The following FAM227A variants were observed in gnomAD, a reference collection of about 807,000 sequenced individuals.
FAM227A encodes family with sequence similarity 227 member A, also known as protein FAM227A.
In FAM227A, 80 loss-of-function variants were observed where a neutral mutation model predicts 74.7. That is an observed-to-expected ratio of 1.07 (90% CI 0.89 to 1.29). The LOEUF (loss-of-function observed/expected upper bound fraction) is 1.29. Ranked by LOEUF, FAM227A falls within the 50% of genes most tolerant of loss-of-function variation. The pLI is 0.00. For synonymous variants in FAM227A, 237 were observed against 241.8 expected (o/e 0.98, Z 0.19); for missense variants, 654 against 683.4 (o/e 0.96, Z 0.48).
intron 16 of FAM227A, among the ~76,000 whole-genome samples, chr22:38,588,012 CATG>C (rs2090845157): frequency 6.6e-6 from 1 of 152,110 alleles, no homozygotes; most frequent in South Asian, 2.1e-4. Context: ...AACAGCATTT[CATG>C]ATAATAAACA....
intron 8 of FAM227A, among the ~76,000 whole-genome samples, chr22:38,626,891 A>AAAAAAAAAAAAATATATAT (rs1555966996): frequency 1.7e-5 from 1 of 57,688 alleles, no homozygotes; most frequent in Non-Finnish European, 2.9e-5. Context: ...AAAAAAAAAA[A>AAAAAAAAAAAAATATATAT]ATATATATAT....
chr22:38,595,372 A>G (rs2091023019), intron 15 of FAM227A, among the ~76,000 whole-genome samples: 1 of 152,192 alleles, frequency 6.6e-6, no homozygotes, highest in African/African-American at 2.4e-5. Context: ...GGGTGGCTCC[A>G]TGAAAGAGTT....
At chr22:38,642,282 G>GA (rs2092133343) in intron 3 of FAM227A, among the ~76,000 whole-genome samples, 1 of 152,160 alleles carries the variant, frequency 6.6e-6, no homozygotes, top group Admixed American at 6.5e-5. Context: ...ACCTCCATGG[G>GA]AACCAGTAGC....
At position 38,638,816 on chromosome 22, in the gene FAM227A, C is replaced by T. The variant is rs2092054758; in HGVS notation, c.302G>A (p.Arg101Lys). 1 of 1,533,532 alleles carries T rather than the reference C, an allele frequency of 6.5e-7. No homozygotes were observed. The highest frequency in any genetic ancestry group is 2.2e-5 in the Admixed American group (1 of 46,126). The allele number at this position is 1,533,532 out of a possible 1,614,324, so 95.0% of individuals were successfully genotyped here. ...TRSSPEDKVKRQRKSQYSCKG... is the reference protein window; with the variant it reads ...TRSSPEDKVKKQRKSQYSCKG... The stretch of plus-strand genomic sequence containing the variant: ...GCAGGAATACTGAGATTTCCTTTGT[C>T]TCTTGACTGCAGAAAAATGGAGAAA... Residue 101 changes from arginine (R) to lysine (K), a missense_variant, in exon 5 of 17, where the codon AGA (arginine) becomes AAA (lysine). Transcript: ENST00000535113.
chr22:38,644,798 A>G (rs1406795396), intron 3 of FAM227A, among the ~76,000 whole-genome samples: 2 of 152,184 alleles, frequency 1.3e-5, no homozygotes, highest in Non-Finnish European at 2.9e-5. Flanking sequence ...TCTAAAAAAT[A>G]AAGTTTAGGC....
rs983391120 is a variant in FAM227A at position 38,625,161 on chromosome 22, G to A, written c.850+1019C>T. 1.7e-4 allele frequency among the ~76,000 whole-genome samples: 26 copies of A among 151,580 alleles called. 1 individual carries two copies. Among genetic ancestry groups the A allele is most frequent in the Non-Finnish European group, 3.1e-4 (21 of 67,878 alleles). ...TCCCAGCACTTTGGGAGGCCTTGTT[G>A]GGCGGATGACGAGGTCAGGAGATCA... On this transcript the variant is annotated intron_variant, in intron 9 of 16. Coordinates refer to ENST00000535113, the MANE Select transcript of FAM227A (RefSeq NM_001013647.2).
At chr22:38,643,323 A>G (rs1227020030) in intron 3 of FAM227A, among the ~76,000 whole-genome samples, 2 of 136,906 alleles carry the variant, frequency 1.5e-5, no homozygotes, top group African/African-American at 5.4e-5. Context: ...CTCAAAAAAA[A>G]AAAAATAGTG....
At position 38,650,254 on chromosome 22, in the gene FAM227A, A is replaced by G. The variant is rs1325335874; in HGVS notation, c.-86T>C. ...CCACTCCAATCTTGTCGTTTGTTTA[A>G]TCAGCCTCCTGGAAATCATAAACAG... On this transcript the variant is annotated 5_prime_UTR_variant, in exon 2 of 17. Coordinates refer to ENST00000535113, the MANE Select transcript of FAM227A (RefSeq NM_001013647.2). The G allele has an allele frequency of 4.4e-6, 6 of 1,353,614 alleles. No homozygotes were observed. In the East Asian group the frequency reaches 1.5e-4, roughly 34 times the overall value. 83.9% of individuals were successfully genotyped at this position (1,353,614 alleles called of 1,614,324 possible). A position where few individuals can be genotyped will look rare whatever the true frequency, so the allele number is the denominator to read the frequency against.
intron 11 of FAM227A, among the ~76,000 whole-genome samples, chr22:38,608,155 C>CAAAAA (rs35387385): frequency 5.2e-5 from 4 of 76,922 alleles, no homozygotes; most frequent in Admixed American, 3.1e-4. Context: ...CTTTTCTCTA[C>CAAAAA]AAAAAAAAAA....
intron 6 of FAM227A, among the ~76,000 whole-genome samples, chr22:38,635,879 TA>T (rs2091993741): frequency 6.6e-6 from 1 of 151,936 alleles, no homozygotes; most frequent in African/African-American, 2.4e-5. Context: ...TGGTGCATGC[TA>T]TTCAGGAGGT....
At chr22:38,629,040 G>A (rs1266792948) in intron 6 of FAM227A, 105 bp from the exon 7 acceptor site, 1 of 670,676 alleles carries the variant, frequency 1.5e-6, no homozygotes, top group Non-Finnish European at 2.6e-6. Flanking sequence ...TAATCTGTTA[G>A]TGAGGCCCTA....
At chr22:38,644,913 C>A (rs938050349) in intron 3 of FAM227A, among the ~76,000 whole-genome samples, 1 of 151,790 alleles carries the variant, frequency 6.6e-6, no homozygotes, top group Non-Finnish European at 1.5e-5. Flanking sequence ...CATGGTGGAA[C>A]CCTTTCTCTA....
chr22:38,639,546 G>C, intron 4 of FAM227A, 109 bp downstream of exon 4: 1 of 1,078,118 alleles, frequency 9.3e-7, no homozygotes. Context: ...TTCAGAAGAA[G>C]ACAGAAACAT....
At position 38,645,573 on chromosome 22, in the gene FAM227A, GCCGACGGCTCGGTA is replaced by G; in HGVS notation, c.201_214del (p.Thr68GlnfsTer6). ...GCATAGGTAACTCACCAGGCTGTTG[GCCGACGGCTCGGTA>G]CGCAGATTTATGTCAGCAATCTTTT... is the stretch of plus-strand genomic sequence containing the variant. On this transcript the variant is annotated frameshift_variant, in exon 3 of 17. Coordinates refer to ENST00000535113, the MANE Select transcript of FAM227A (RefSeq NM_001013647.2). LOFTEE classifies it high-confidence loss of function. The G allele has an allele frequency of 3.2e-6, 5 of 1,551,042 alleles. No individual in the cohort carries two copies. The highest frequency in any genetic ancestry group is 4.4e-6 in the Non-Finnish European group (5 of 1,146,666).
At chr22:38,648,010 G>A (rs1322085112) in intron 2 of FAM227A, among the ~76,000 whole-genome samples, 1 of 152,162 alleles carries the variant, frequency 6.6e-6, no homozygotes, top group Non-Finnish European at 1.5e-5. Context: ...GGGGCAGAGT[G>A]GTACATGCAG....
chr22:38,610,775 T>A (rs1219865644), intron 11 of FAM227A, among the ~76,000 whole-genome samples: 1 of 152,038 alleles, frequency 6.6e-6, no homozygotes, highest in Non-Finnish European at 1.5e-5. Flanking sequence ...AGAAAGTACT[T>A]TCCTGGGCCG....
At chr22:38,615,377 C>G (rs2091554129) in intron 11 of FAM227A, among the ~76,000 whole-genome samples, 1 of 152,158 alleles carries the variant, frequency 6.6e-6, no homozygotes, top group Non-Finnish European at 1.5e-5. Context: ...ATCAACCCAA[C>G]AGGAAGATAA....
chr22:38,641,625 CAA>C (rs2092116519), intron 3 of FAM227A, among the ~76,000 whole-genome samples: 1 of 151,486 alleles, frequency 6.6e-6, no homozygotes, highest in African/African-American at 2.4e-5. Context: ...CAGGATCTCT[CAA>C]AGAGTACATC....
intron 2 of FAM227A, among the ~76,000 whole-genome samples, chr22:38,648,897 G>A (rs897999702): frequency 6.6e-6 from 1 of 151,502 alleles, no homozygotes; most frequent in Non-Finnish European, 1.5e-5. Flanking sequence ...CCTTGAACCT[G>A]GGAGGCAGAG....
Sources: gnomAD v4.1 joint callset for allele counts (sites outside exome capture counted in the v4.1 genomes callset) on GRCh38, gnomAD v4.1.1 for gene constraint, MANE v1.5 for transcripts, NCBI Gene and HGNC (gene_info 2026-07-23, HGNC 2026-07-21) for gene names.